The following LINGO2 variants were observed in gnomAD, a reference collection of about 807,000 sequenced individuals.
LINGO2 encodes the protein leucine-rich repeat and immunoglobulin-like domain-containing nogo receptor-interacting protein 2.
A neutral mutation model predicts 30.6 loss-of-function variants in LINGO2; 14 were observed. The ratio of observed to expected loss-of-function variants is 0.46; its 90% confidence interval spans 0.30 to 0.72. LINGO2 has a LOEUF of 0.72. Among genes scored for constraint, LINGO2 ranks in the 30% least tolerant of loss-of-function variants. The probability of loss-of-function intolerance (pLI) is 0.07; values close to 1 mark genes in which losing one functional copy is unlikely to be tolerated. For missense variants in LINGO2, 729 were observed against 751.7 expected (o/e 0.97, Z 0.35); for synonymous variants, 317 against 288.5 (o/e 1.10, Z -1.00).
chr9:28,562,507 C>G (rs572138199), intron 1 of LINGO2, among the ~76,000 whole-genome samples: 174 of 140,290 alleles, frequency 1.2e-3, no homozygotes, highest in African/African-American at 4.4e-3. Flanking sequence ...CCCCATTAAG[C>G]AAATTTCACC....
intron 2 of LINGO2, among the ~76,000 whole-genome samples, chr9:28,395,542 A>AT (rs1822005754): frequency 6.6e-6 from 1 of 151,906 alleles, no homozygotes; most frequent in African/African-American, 2.4e-5. Context: ...TGAAAAAAAA[A>AT]ATCATGTCCT....
chr9:28,897,395 C>A, the LINGO2 span, among the ~76,000 whole-genome samples: 1 of 152,102 alleles, frequency 6.6e-6, no homozygotes, highest in South Asian at 2.1e-4. Flanking sequence ...ACTTTCCAGC[C>A]CTCTTGCTGG....
chr9:28,136,462 A>C (rs1343452), intron 4 of LINGO2, among the ~76,000 whole-genome samples: 46,288 of 152,048 alleles, frequency 0.3, 7,104 homozygotes, highest in African/African-American at 0.34. Context: ...CACTTTTTGT[A>C]CAGTTAAGAT....
chr9:28,446,609 C>G (rs545900889), intron 2 of LINGO2, among the ~76,000 whole-genome samples: 91 of 152,184 alleles, frequency 6.0e-4, no homozygotes, highest in Non-Finnish European at 1.2e-3. Flanking sequence ...AATCTTGATC[C>G]CTTTTGTTAT....
chr9:28,753,921 T>C, the LINGO2 span, among the ~76,000 whole-genome samples: 1 of 152,082 alleles, frequency 6.6e-6, no homozygotes, highest in South Asian at 2.1e-4. Flanking sequence ...TTGAGAGGAA[T>C]GTTTTGCATT....
exon 6 of LINGO2, chr9:27,948,395 A>T (rs1440966923): frequency 6.3e-6 from 1 of 158,914 alleles, no homozygotes; most frequent in African/African-American, 2.4e-5. Context: ...CTGAACCAAC[A>T]ATATGGTATG....
chr9:28,455,014 C>A (rs936935081), intron 2 of LINGO2, among the ~76,000 whole-genome samples: 2 of 152,032 alleles, frequency 1.3e-5, no homozygotes, highest in African/African-American at 4.8e-5. Flanking sequence ...TTTTCCAAAT[C>A]ATTTTGTTAT....
intron 1 of LINGO2, among the ~76,000 whole-genome samples, chr9:28,650,061 T>C (rs1169479417): frequency 6.7e-6 from 1 of 149,532 alleles, no homozygotes; most frequent in Admixed American, 6.7e-5. Flanking sequence ...CAACAAACAC[T>C]AGAGAGGTAG....
chr9:28,010,678 G>A (rs554152227), intron 5 of LINGO2, among the ~76,000 whole-genome samples: 52 of 152,344 alleles, frequency 3.4e-4, no homozygotes, highest in Admixed American at 1.1e-3. Context: ...GCTGGACACA[G>A]TGGCTGGCTT....
the LINGO2 span, among the ~76,000 whole-genome samples, chr9:28,825,452 A>G: frequency 6.6e-6 from 1 of 152,016 alleles, no homozygotes; most frequent in African/African-American, 2.4e-5. Flanking sequence ...AACACAGTGT[A>G]AATATTAAGA....
the LINGO2 span, among the ~76,000 whole-genome samples, chr9:28,846,674 A>G: frequency 6.8e-6 from 1 of 147,048 alleles, no homozygotes; most frequent in African/African-American, 2.6e-5. Flanking sequence ...GAATTTGTGC[A>G]GCTCCTGACC....
the LINGO2 span, chr9:27,938,881 T>C: frequency 3.9e-5 from 6 of 152,202 alleles, no homozygotes; most frequent in African/African-American, 7.2e-5. Flanking sequence ...ATTGGAAAAT[T>C]AAATTTTCTG....
chr9:28,767,306 T>C, the LINGO2 span, among the ~76,000 whole-genome samples: 1 of 152,214 alleles, frequency 6.6e-6, no homozygotes. Context: ...GTGGTAATTA[T>C]TTTGCTATGT....
At chr9:28,442,399 T>G (rs1295576812) in intron 2 of LINGO2, among the ~76,000 whole-genome samples, 3 of 152,096 alleles carry the variant, frequency 2.0e-5, no homozygotes, top group Non-Finnish European at 4.4e-5. Flanking sequence ...GATTAATGAT[T>G]CTACACTATA....
chr9:28,198,766 A>G (rs1820109918), intron 4 of LINGO2, among the ~76,000 whole-genome samples: 1 of 152,246 alleles, frequency 6.6e-6, no homozygotes, highest in South Asian at 2.1e-4. Context: ...CTTTTAGGGC[A>G]TTTCTAGTAT....
intron 5 of LINGO2, among the ~76,000 whole-genome samples, chr9:27,966,884 A>G (rs1266428020): frequency 6.6e-6 from 1 of 152,118 alleles, no homozygotes; most frequent in Non-Finnish European, 1.5e-5. Context: ...CCCCTCCTTC[A>G]TAAGGTTATT....
chr9:28,752,087 T>C, the LINGO2 span, among the ~76,000 whole-genome samples: 6 of 152,042 alleles, frequency 3.9e-5, no homozygotes, highest in Admixed American at 3.3e-4. Context: ...ATATACTTAA[T>C]AAAATCCCAT....
At chr9:29,211,192 T>C in the LINGO2 span, among the ~76,000 whole-genome samples, 1 of 152,238 alleles carries the variant, frequency 6.6e-6, no homozygotes, top group Non-Finnish European at 1.5e-5. Context: ...ACATATGGTA[T>C]GCACAAACAC....
In LINGO2 at chr9:28,155,950, A is replaced by G. The variant is rs191863191; in HGVS notation, c.-87+139258T>C. Among the ~76,000 whole-genome samples the G allele has an allele frequency of 2.0e-3, 308 of 152,320 alleles. 2 individuals carry two copies. Among genetic ancestry groups the G allele is most frequent in the African/African-American group, 7.2e-3 (298 of 41,588 alleles). ...ACTTGATCTTGGACTTCCCAGCCTCAGAACTGTGAGAAATAAATTTCTGTT... is the reference window on the plus strand; with the variant it reads ...ACTTGATCTTGGACTTCCCAGCCTCGGAACTGTGAGAAATAAATTTCTGTT... On this transcript the variant is annotated intron_variant, in intron 4 of 5. Coordinates refer to ENST00000379992, the Ensembl canonical transcript of LINGO2.
Sources: gnomAD v4.1 joint callset for allele counts (sites outside exome capture counted in the v4.1 genomes callset) on GRCh38, gnomAD v4.1.1 for gene constraint, MANE v1.5 for transcripts, NCBI Gene and HGNC (gene_info 2026-07-23, HGNC 2026-07-21) for gene names.